Variants in SNTG2 observed in about 807,000 individuals in gnomAD.
SNTG2 encodes the protein syntrophin gamma 2.
In SNTG2, 74 loss-of-function variants were observed where a neutral mutation model predicts 70.9. The ratio of observed to expected loss-of-function variants is 1.04; its 90% CI spans 0.86 to 1.27. SNTG2 has a LOEUF of 1.27. Ranked by LOEUF, SNTG2 falls within the 50% of genes most tolerant of loss-of-function variation. The pLI is 0.00. For missense variants in SNTG2, 717 were observed against 690.7 expected (o/e 1.04, Z -0.43); for synonymous variants, 278 against 273.8 (o/e 1.02, Z -0.15).
At chr2:1,018,498 G>C (rs1659982327) in intron 1 of SNTG2, among the ~76,000 whole-genome samples, 1 of 152,116 alleles carries the variant, frequency 6.6e-6, no homozygotes, top group Non-Finnish European at 1.5e-5. Context: ...CAGCCGACTG[G>C]GTAGGTGGAG....
At chr2:1,327,148 G>A (rs1406359633) in intron 16 of SNTG2, among the ~76,000 whole-genome samples, 13 of 152,034 alleles carry the variant, frequency 8.6e-5, no homozygotes, top group Admixed American at 7.9e-4. Context: ...AATGTATAGT[G>A]TAAACCTAAG....
chr2:1,293,770 G>A (rs1206375063), intron 14 of SNTG2, among the ~76,000 whole-genome samples: 1 of 152,152 alleles, frequency 6.6e-6, no homozygotes, highest in Non-Finnish European at 1.5e-5. Flanking sequence ...GGCCGAGCAT[G>A]TGGAGCGAAC....
chr2:1,138,483 G>A (rs865933447), intron 6 of SNTG2, among the ~76,000 whole-genome samples: 1 of 152,188 alleles, frequency 6.6e-6, no homozygotes, highest in Non-Finnish European at 1.5e-5. Context: ...GCATGTGGTG[G>A]GGACGCGTGG....
chr2:985,376 A>G (rs1479454645), intron 1 of SNTG2, among the ~76,000 whole-genome samples: 1 of 151,950 alleles, frequency 6.6e-6, no homozygotes, highest in Admixed American at 6.6e-5. Flanking sequence ...TTCTTCCTCT[A>G]AAATAGAAGG....
intron 6 of SNTG2, among the ~76,000 whole-genome samples, chr2:1,150,824 G>GC (rs1314872755): frequency 6.6e-6 from 1 of 152,162 alleles, no homozygotes; most frequent in Non-Finnish European, 1.5e-5. Context: ...CTCATGAATA[G>GC]CCCTGTGTGG....
At chr2:1,167,959 G>A (rs1410464957) in intron 7 of SNTG2, among the ~76,000 whole-genome samples, 9 of 125,766 alleles carry the variant, frequency 7.2e-5, no homozygotes, top group Non-Finnish European at 6.7e-5. Context: ...CCTACAAGCC[G>A]CCCACAGACG....
intron 6 of SNTG2, among the ~76,000 whole-genome samples, chr2:1,154,219 C>T (rs1259909672): frequency 1.3e-5 from 2 of 151,888 alleles, no homozygotes; most frequent in African/African-American, 4.8e-5. Context: ...CCCATGGAGG[C>T]TGACATTAGG....
intron 4 of SNTG2, among the ~76,000 whole-genome samples, chr2:1,100,102 A>G (rs1665685235): frequency 6.6e-6 from 1 of 152,278 alleles, no homozygotes; most frequent in African/African-American, 2.4e-5. Context: ...GATGGCGGGA[A>G]AAGTGAGAGA....
intron 16 of SNTG2, among the ~76,000 whole-genome samples, chr2:1,357,301 T>C (rs1660903393): frequency 1.3e-5 from 2 of 152,150 alleles, no homozygotes; most frequent in African/African-American, 4.8e-5. Flanking sequence ...AGTGCCTTTG[T>C]TACGTTCGGG....
intron 7 of SNTG2, among the ~76,000 whole-genome samples, chr2:1,169,334 G>C (rs1325616208): frequency 1.3e-5 from 2 of 152,134 alleles, no homozygotes; most frequent in Non-Finnish European, 2.9e-5. Flanking sequence ...CCCTGGGGCC[G>C]TTCCTGACTT....
intron 9 of SNTG2, among the ~76,000 whole-genome samples, chr2:1,221,436 T>C (rs886737333): frequency 1.5e-5 from 2 of 133,506 alleles, no homozygotes; most frequent in Non-Finnish European, 3.2e-5. Flanking sequence ...TGTCTCTCTC[T>C]GTCTCTGTCT....
In SNTG2 at chr2:1,322,977, C is replaced by T. The variant is rs556226528; in HGVS notation, c.1488+6602C>T. Reference sequence around the variant, plus strand: ...TAGGGCACATTCACTTTGTAAAACTCATGAGCCAACCCCTTACTTTTCTCA... The same window carrying T: ...TAGGGCACATTCACTTTGTAAAACTTATGAGCCAACCCCTTACTTTTCTCA... On this transcript the variant is annotated intron_variant, in intron 16 of 16. Transcript: ENST00000308624. Among the ~76,000 whole-genome samples the T allele has an allele frequency of 4.6e-5, 7 of 152,318 alleles. 1 individual carries two copies. In the South Asian group the frequency reaches 1.0e-3, roughly 23 times the overall value.
intron 1 of SNTG2, among the ~76,000 whole-genome samples, chr2:1,032,637 A>G (rs1660902609): frequency 6.6e-6 from 1 of 152,240 alleles, no homozygotes; most frequent in Non-Finnish European, 1.5e-5. Flanking sequence ...ATGTTTCTGA[A>G]TTAAGAAGGA....
chr2:1,186,589 C>G (rs28446810), intron 8 of SNTG2, among the ~76,000 whole-genome samples: 51,437 of 151,870 alleles, frequency 0.34, 9,181 homozygotes, highest in East Asian at 0.66. Context: ...ATGTTGGAAG[C>G]CAAAGGGGAA....
intron 6 of SNTG2, among the ~76,000 whole-genome samples, chr2:1,140,443 G>T (rs1335209555): frequency 1.3e-5 from 2 of 152,186 alleles, no homozygotes; most frequent in Non-Finnish European, 2.9e-5. Flanking sequence ...CTGTCACTCA[G>T]TGTGACATCC....
intron 9 of SNTG2, among the ~76,000 whole-genome samples, chr2:1,218,510 CA>C (rs1413335417): frequency 6.6e-6 from 1 of 152,244 alleles, no homozygotes; most frequent in Non-Finnish European, 1.5e-5. Context: ...TGTTCTTCCA[CA>C]TGGTACCGTT....
chr2:1,209,372 G>A (rs1673888691), intron 9 of SNTG2, 142 bp downstream of exon 9: 2 of 1,045,362 alleles, frequency 1.9e-6, no homozygotes, highest in African/African-American at 3.2e-5. Context: ...TTTAGCATTT[G>A]GAATAAACAA....
rs369934241 is a variant in SNTG2, at chr2:1,170,205, A to G, written c.500-2887A>G. On this transcript the variant is annotated intron_variant, in intron 7 of 16. Transcript: ENST00000308624. ...GTCAAAGTAGGGTTTTATTTTTCACAAGTCAGGCTCTTGGTCTTTTTATAA... is the reference window on the plus strand; with the variant it reads ...GTCAAAGTAGGGTTTTATTTTTCACGAGTCAGGCTCTTGGTCTTTTTATAA... Among the ~76,000 whole-genome samples, 48 of 152,354 alleles carry G rather than the reference A, an allele frequency of 3.2e-4. No homozygotes were observed. In the South Asian group the frequency reaches 9.5e-3, roughly 30 times the overall value.
chr2:1,152,554 G>A (rs1669574879), intron 6 of SNTG2, among the ~76,000 whole-genome samples: 2 of 132,942 alleles, frequency 1.5e-5, no homozygotes, highest in East Asian at 2.3e-4. Context: ...ACACACGTAT[G>A]TTTCTAGGTG....
Sources: allele counts gnomAD v4.1 joint callset (sites outside exome capture counted in the v4.1 genomes callset), GRCh38; gene constraint gnomAD v4.1.1; transcripts MANE v1.5; gene names NCBI Gene and HGNC (gene_info 2026-07-23, HGNC 2026-07-21).